Variants in SFMBT1 observed in about 807,000 individuals in gnomAD.
SFMBT1 encodes scm-like with four MBT domains protein 1.
SFMBT1 carries 32 observed loss-of-function variants against 108.7 expected under a neutral mutation model. The ratio of observed to expected loss-of-function variants is 0.29; its 90% CI spans 0.22 to 0.40. SFMBT1 has a LOEUF of 0.40. SFMBT1 is among the 10% of genes least tolerant of loss of function. The pLI, the probability that SFMBT1 is intolerant of heterozygous loss-of-function variation, is 1.00. For synonymous variants in SFMBT1, 348 were observed against 369.5 expected (o/e 0.94, Z 0.67); for missense variants, 816 against 1,059.6 (o/e 0.77, Z 3.19).
Position 52,971,880 on chromosome 3 carries a change from T to C in SFMBT1, c.-130-2622A>G, listed in dbSNP as rs560502316. Among the ~76,000 whole-genome samples, 3 of 152,314 alleles carry C rather than the reference T, an allele frequency of 2.0e-5. No homozygotes were observed. The South Asian group carries it at 6.2e-4, about 32-fold the overall frequency. On this transcript the variant is annotated intron_variant, in intron 1 of 20. Coordinates refer to ENST00000394752, the MANE Select transcript of SFMBT1 (RefSeq NM_016329.4). ...ACAGTGGGAAGGACCTGAAGGCTGC[T>C]GTGGCTAGAGCATGCAAACCAACAG...
intron 1 of SFMBT1, among the ~76,000 whole-genome samples, chr3:52,979,271 G>A (rs1166856273): frequency 4.6e-5 from 7 of 151,962 alleles, no homozygotes; most frequent in Non-Finnish European, 1.0e-4. Context: ...GGCTGTTACT[G>A]GTTTGTATCA....
intron 1 of SFMBT1, among the ~76,000 whole-genome samples, chr3:53,002,352 TC>T (rs1698586993): frequency 1.5e-5 from 2 of 135,344 alleles, no homozygotes; most frequent in South Asian, 4.6e-4. Context: ...TGAGCCAAGA[TC>T]GCACCACTGC....
chr3:52,989,603 A>G (rs939913270), intron 1 of SFMBT1, among the ~76,000 whole-genome samples: 3 of 152,024 alleles, frequency 2.0e-5, no homozygotes, highest in Non-Finnish European at 4.4e-5. Flanking sequence ...GATAGAGAAC[A>G]GCCTGGCTAA....
At chr3:52,953,977 T>C (rs1180564189) in intron 3 of SFMBT1, among the ~76,000 whole-genome samples, 1 of 151,672 alleles carries the variant, frequency 6.6e-6, no homozygotes, top group African/African-American at 2.4e-5. Context: ...GTACAAAAAA[T>C]AGCCGGGCGT....
intron 1 of SFMBT1, among the ~76,000 whole-genome samples, chr3:52,983,935 A>T (rs908503508): frequency 6.6e-6 from 1 of 152,214 alleles, no homozygotes; most frequent in Non-Finnish European, 1.5e-5. Flanking sequence ...CAGCTATGTG[A>T]GAAGAAAGCA....
chr3:52,924,980 G>C (rs1254609777), intron 10 of SFMBT1, among the ~76,000 whole-genome samples: 2 of 152,082 alleles, frequency 1.3e-5, no homozygotes, highest in Admixed American at 6.6e-5. Context: ...CAGCACTTTG[G>C]GAGGCTGAGG....
At chr3:52,951,186 A>C (rs1019956731) in intron 3 of SFMBT1, among the ~76,000 whole-genome samples, 8 of 137,992 alleles carry the variant, frequency 5.8e-5, no homozygotes, top group Admixed American at 7.3e-5. Context: ...AAAAAAAAAA[A>C]AAAAAACACA....
At chr3:53,028,580 G>T (rs986802459) in intron 1 of SFMBT1, among the ~76,000 whole-genome samples, 1 of 152,048 alleles carries the variant, frequency 6.6e-6, no homozygotes, top group Admixed American at 6.5e-5. Context: ...GGCTGAGATG[G>T]GAAAACAGCT....
intron 4 of SFMBT1, among the ~76,000 whole-genome samples, chr3:52,939,942 T>G (rs1050868327): frequency 6.6e-5 from 10 of 152,118 alleles, no homozygotes; most frequent in African/African-American, 2.4e-4. Context: ...TAAATTTTAT[T>G]TATAATTTTT....
intron 2 of SFMBT1, among the ~76,000 whole-genome samples, chr3:52,958,028 A>G (rs1307930475): frequency 6.6e-6 from 1 of 152,220 alleles, no homozygotes; most frequent in African/African-American, 2.4e-5. Flanking sequence ...CAGACAACCT[A>G]AAGAATGGGA....
At chr3:52,976,735 T>A (rs1349039978) in intron 1 of SFMBT1, among the ~76,000 whole-genome samples, 1 of 152,192 alleles carries the variant, frequency 6.6e-6, no homozygotes, top group Non-Finnish European at 1.5e-5. Flanking sequence ...ATAGCCATAA[T>A]AACAGCACCT....
At chr3:52,986,918 C>T (rs995937472) in intron 1 of SFMBT1, among the ~76,000 whole-genome samples, 22 of 151,980 alleles carry the variant, frequency 1.4e-4, no homozygotes, top group Non-Finnish European at 1.2e-4. Flanking sequence ...CCAGTCTGGG[C>T]GAAAGAGTGA....
chr3:52,969,412 A>G (rs559679607), intron 1 of SFMBT1, among the ~76,000 whole-genome samples, 154 bp from the exon 2 acceptor site: 1 of 152,306 alleles, frequency 6.6e-6, no homozygotes, highest in Non-Finnish European at 1.5e-5. Flanking sequence ...TACCTTTTCT[A>G]ATTTTGAAGA....
At chr3:52,963,690 C>T (rs915436597) in intron 2 of SFMBT1, among the ~76,000 whole-genome samples, 1 of 151,932 alleles carries the variant, frequency 6.6e-6, no homozygotes, top group African/African-American at 2.4e-5. Context: ...TGGGCTCAAG[C>T]AATCCTCCTG....
At position 52,988,580 on chromosome 3, in the gene SFMBT1, CA is replaced by C. The variant is rs1469939465; in HGVS notation, c.-130-19323del. 2.6e-5 allele frequency among the ~76,000 whole-genome samples: 4 copies of C among 152,254 alleles called. No individual in the cohort carries two copies. In the East Asian group the frequency reaches 7.7e-4, roughly 29 times the overall value. ...CATTTAACAACAATGATACTAGGAA[CA>C]AGTATTAGTTATTTAGAAAAAGTAT... On this transcript the variant is annotated intron_variant, in intron 1 of 20. Coordinates refer to ENST00000394752, the MANE Select transcript of SFMBT1 (RefSeq NM_016329.4).
At chr3:52,999,351 C>T (rs1698457803) in intron 1 of SFMBT1, among the ~76,000 whole-genome samples, 1 of 150,442 alleles carries the variant, frequency 6.6e-6, no homozygotes. Context: ...CCCACCTCCT[C>T]TGACCAGGCC....
chr3:53,003,772 A>AAG (rs1553642495), intron 1 of SFMBT1, among the ~76,000 whole-genome samples: 53 of 143,032 alleles, frequency 3.7e-4, no homozygotes, highest in South Asian at 6.6e-4. Flanking sequence ...AAAAAAAAAA[A>AAG]AAAGAAAAGA....
chr3:52,935,052 T>A, intron 4 of SFMBT1, 151 bp from the exon 5 acceptor site: 2 of 625,916 alleles, frequency 3.2e-6, no homozygotes, highest in African/African-American at 1.8e-5. Flanking sequence ...TAAAACAAAA[T>A]AAAACCAAAA....
At chr3:53,001,822 A>T (rs576118730) in intron 1 of SFMBT1, among the ~76,000 whole-genome samples, 2 of 147,532 alleles carry the variant, frequency 1.4e-5, no homozygotes, top group East Asian at 4.0e-4. Context: ...ACTACCTGGG[A>T]GGCTGAGGCT....
Sources: allele counts gnomAD v4.1 joint callset (sites outside exome capture counted in the v4.1 genomes callset), GRCh38; gene constraint gnomAD v4.1.1; transcripts MANE v1.5; gene names NCBI Gene and HGNC (gene_info 2026-07-23, HGNC 2026-07-21).